The following ADAMTSL3 variants were observed in gnomAD, a reference collection of about 807,000 sequenced individuals.
ADAMTSL3 encodes ADAMTS-like protein 3.
In ADAMTSL3, 128 loss-of-function variants were observed where a neutral mutation model predicts 201.7. That is an observed-to-expected ratio of 0.63 (90% CI 0.55 to 0.73). The LOEUF is 0.73. Among genes scored for constraint, ADAMTSL3 ranks in the 30% least tolerant of loss-of-function variants. ADAMTSL3 has a pLI of 0.00. For missense variants in ADAMTSL3, 1,990 were observed against 2,119.6 expected (o/e 0.94, Z 1.20); for synonymous variants, 738 against 748.4 (o/e 0.99, Z 0.23).
Position 84,016,487 on chromosome 15 carries a change from C to T in ADAMTSL3, c.4261C>T (p.Pro1421Ser). The T allele has an allele frequency of 6.2e-7, 1 of 1,613,526 alleles. No individual in the cohort carries two copies. The highest frequency in any genetic ancestry group is 8.5e-7 in the Non-Finnish European group (1 of 1,179,602). The change falls in exon 25 of 30, where the codon CCC becomes TCC. Residue 1421 changes from proline (P) to serine (S), a missense_variant. Coordinates refer to ENST00000286744, the MANE Select transcript of ADAMTSL3 (RefSeq NM_207517.3). The part of the protein sequence containing the change: ...RTNSNDPTGE[P>S]PPQEPFWEPG... Reference sequence around the variant, plus strand: ...CAACAGCAATGACCCAACAGGAGAACCCCCGCCTCAAGGTCTGGGATTTTG... The same window carrying T: ...CAACAGCAATGACCCAACAGGAGAATCCCCGCCTCAAGGTCTGGGATTTTG...
chr15:83,841,719 C>T (rs1009756485), intron 7 of ADAMTSL3, among the ~76,000 whole-genome samples: 1 of 151,996 alleles, frequency 6.6e-6, no homozygotes, highest in African/African-American at 2.4e-5. Flanking sequence ...TGGGCCTGTG[C>T]CCACTGGCCT....
intron 19 of ADAMTSL3, among the ~76,000 whole-genome samples, chr15:83,965,720 C>T (rs945607480): frequency 2.0e-5 from 3 of 152,180 alleles, no homozygotes; most frequent in Admixed American, 6.5e-5. Flanking sequence ...CCCAAATCAA[C>T]AGAATATACA....
At chr15:83,705,332 C>T (rs1003322098) in intron 3 of ADAMTSL3, among the ~76,000 whole-genome samples, 1 of 152,028 alleles carries the variant, frequency 6.6e-6, no homozygotes, top group South Asian at 2.1e-4. Context: ...ATCACCTTCC[C>T]ATGGTACGTG....
intron 7 of ADAMTSL3, among the ~76,000 whole-genome samples, chr15:83,856,458 G>C (rs1025283066): frequency 2.1e-4 from 32 of 151,930 alleles, no homozygotes; most frequent in African/African-American, 7.0e-4. Flanking sequence ...ACTATAGATG[G>C]GAGCCACCAT....
chr15:83,974,920 C>G (rs2067256303), intron 20 of ADAMTSL3, among the ~76,000 whole-genome samples: 1 of 151,674 alleles, frequency 6.6e-6, no homozygotes, highest in Non-Finnish European at 1.5e-5. Flanking sequence ...GCCTCAGCCC[C>G]TTCCCAGGGC....
chr15:83,704,102 C>T (rs894804429), intron 2 of ADAMTSL3, among the ~76,000 whole-genome samples: 3 of 151,534 alleles, frequency 2.0e-5, no homozygotes, highest in African/African-American at 7.3e-5. Context: ...GACTGAATTG[C>T]TGGAAGATGG....
In ADAMTSL3 at chr15:83,866,654, A is replaced by T. The variant is rs148088049; in HGVS notation, c.803-4148A>T. 7.8e-3 allele frequency among the ~76,000 whole-genome samples: 1,182 copies of T among 152,302 alleles called. 18 individuals are homozygous for T. Among genetic ancestry groups the T allele is most frequent in the African/African-American group, 0.027 (1,124 of 41,566 alleles). ...GGGATAGCATTAGGAGATATACCTC[A>T]TGTTAAATGACGAGTTAATGTGTGC... On this transcript the variant is annotated intron_variant, in intron 8 of 29. Transcript: ENST00000286744.
At chr15:83,865,247 G>T (rs1297303870) in intron 8 of ADAMTSL3, among the ~76,000 whole-genome samples, 1 of 152,268 alleles carries the variant, frequency 6.6e-6, no homozygotes. Context: ...TTTCTTCACA[G>T]AATTGGAAAA....
chr15:83,687,774 A>T (rs1454671585), intron 2 of ADAMTSL3, among the ~76,000 whole-genome samples: 1 of 152,222 alleles, frequency 6.6e-6, no homozygotes, highest in African/African-American at 2.4e-5. Context: ...ATAACAGGCC[A>T]TATATCCAGA....
At chr15:83,870,551 C>T (rs998402608) in intron 8 of ADAMTSL3, among the ~76,000 whole-genome samples, 1 of 152,108 alleles carries the variant, frequency 6.6e-6, no homozygotes, top group Non-Finnish European at 1.5e-5. Context: ...TCTCTTTCCC[C>T]TTATGCTAGA....
At chr15:83,934,835 T>TC (rs1467780347) in intron 17 of ADAMTSL3, among the ~76,000 whole-genome samples, 10 of 151,252 alleles carry the variant, frequency 6.6e-5, no homozygotes, top group African/African-American at 2.2e-4. Flanking sequence ...GAAAATATGG[T>TC]ATATGTACAC....
intron 3 of ADAMTSL3, among the ~76,000 whole-genome samples, chr15:83,737,497 C>T (rs779270925): frequency 2.0e-5 from 3 of 152,128 alleles, no homozygotes; most frequent in Non-Finnish European, 4.4e-5. Flanking sequence ...TTCTCTCTTG[C>T]CTGCCACCAC....
intron 15 of ADAMTSL3, among the ~76,000 whole-genome samples, chr15:83,901,702 A>G (rs1242599101): frequency 1.3e-5 from 2 of 152,092 alleles, no homozygotes; most frequent in Non-Finnish European, 2.9e-5. Flanking sequence ...TGCACAAGTC[A>G]GTTAATATCT....
At chr15:83,781,096 A>AG (rs2063160903) in intron 4 of ADAMTSL3, among the ~76,000 whole-genome samples, 1 of 152,144 alleles carries the variant, frequency 6.6e-6, no homozygotes, top group Admixed American at 6.6e-5. Context: ...TTACAGAACT[A>AG]GAAAAAAAAA....
At chr15:83,903,403 C>T (rs2065765688) in intron 15 of ADAMTSL3, among the ~76,000 whole-genome samples, 1 of 152,094 alleles carries the variant, frequency 6.6e-6, no homozygotes, top group Non-Finnish European at 1.5e-5. Context: ...CCAACATAAG[C>T]TCTGTTCACC....
At chr15:83,830,437 C>T (rs4128911) in intron 6 of ADAMTSL3, among the ~76,000 whole-genome samples, 39,169 of 151,940 alleles carry the variant, frequency 0.26, 6,493 homozygotes, top group African/African-American at 0.44. Context: ...CCATGAAAAA[C>T]GGAAGATAAG....
At chr15:83,688,071 C>T (rs1035538263) in intron 2 of ADAMTSL3, among the ~76,000 whole-genome samples, 1 of 152,086 alleles carries the variant, frequency 6.6e-6, no homozygotes, top group Admixed American at 6.5e-5. Context: ...ACAATAGAAG[C>T]AGCAGGAGGA....
At chr15:83,971,447 C>T (rs1437292629) in intron 20 of ADAMTSL3, among the ~76,000 whole-genome samples, 3 of 150,978 alleles carry the variant, frequency 2.0e-5, no homozygotes, top group African/African-American at 7.3e-5. Context: ...GTCCCAGCTA[C>T]TCGAGAGGCT....
intron 19 of ADAMTSL3, among the ~76,000 whole-genome samples, chr15:83,956,220 C>G (rs2066859728): frequency 6.6e-6 from 1 of 152,150 alleles, no homozygotes; most frequent in African/African-American, 2.4e-5. Context: ...GCAAAGTCCC[C>G]CAGTTGCTGT....
Sources: gnomAD v4.1 joint callset for allele counts (sites outside exome capture counted in the v4.1 genomes callset) on GRCh38, gnomAD v4.1.1 for gene constraint, MANE v1.5 for transcripts, NCBI Gene and HGNC (gene_info 2026-07-23, HGNC 2026-07-21) for gene names.